Variants in GNAS observed in about 807,000 individuals in gnomAD.
The protein encoded by GNAS is protein ALEX.
In GNAS, 8 loss-of-function variants were observed where a neutral mutation model predicts 54.5. That is an observed-to-expected ratio of 0.15 (90% CI 0.09 to 0.26). GNAS has a LOEUF of 0.26. Ranked by LOEUF, GNAS falls within the 10% of genes least tolerant of loss-of-function variation. The probability of loss-of-function intolerance (pLI) is 1.00; values close to 1 mark genes in which losing one functional copy is unlikely to be tolerated. For missense variants in GNAS, 170 were observed against 529.8 expected (o/e 0.32, Z 6.67); for synonymous variants, 204 against 191.4 (o/e 1.07, Z -0.54).
upstream of GNAS, among the ~76,000 whole-genome samples, chr20:58,887,513 C>T (rs573042587): frequency 8.5e-5 from 13 of 152,358 alleles, no homozygotes; most frequent in African/African-American, 3.1e-4. Context: ...TGAGGCCTTA[C>T]TGCTGAGTTC....
chr20:58,902,725 C>CTTT (rs60022134), intron 3 of GNAS, among the ~76,000 whole-genome samples: 1,266 of 69,448 alleles, frequency 0.018, 215 homozygotes, highest in Non-Finnish European at 0.024. Context: ...GCACATACGA[C>CTTT]TTTTTTTTTT....
chr20:58,874,653 G>C (rs2087680957), intron 1 of GNAS, among the ~76,000 whole-genome samples: 1 of 151,522 alleles, frequency 6.6e-6, no homozygotes, highest in Admixed American at 6.6e-5. Flanking sequence ...CTTAGCTCCT[G>C]GCCTGCCCTC....
At chr20:58,854,522 T>C in intron 1 of GNAS, 1 of 1,577,860 alleles carries the variant, frequency 6.3e-7, no homozygotes, top group Admixed American at 1.7e-5. Context: ...CACCAGCCGA[T>C]CCTGACTCCG....
chr20:58,899,671 ACATGCACATG>A (rs2090422395), intron 3 of GNAS, among the ~76,000 whole-genome samples: 1 of 151,570 alleles, frequency 6.6e-6, no homozygotes, highest in Non-Finnish European at 1.5e-5. Flanking sequence ...ACACGCACAC[ACATGCACATG>A]CATACACAGA....
chr20:58,855,048 C>A (rs1195270483), intron 1 of GNAS: 1 of 1,613,016 alleles, frequency 6.2e-7, no homozygotes, highest in South Asian at 1.1e-5. Flanking sequence ...GTTTCAGCAT[C>A]GGCGAAATCG....
intron 1 of GNAS, among the ~76,000 whole-genome samples, chr20:58,886,213 G>A (rs1414544715): frequency 2.6e-5 from 4 of 152,180 alleles, no homozygotes; most frequent in African/African-American, 7.2e-5. Context: ...GTGGGACGTT[G>A]TTCATTGTTG....
intron 6 of GNAS, among the ~76,000 whole-genome samples, chr20:58,907,501 AAG>A (rs1173091037): frequency 1.3e-5 from 2 of 152,224 alleles, no homozygotes; most frequent in Admixed American, 1.3e-4. Flanking sequence ...GTACAAGATT[AAG>A]AGAGTTTAAC....
At chr20:58,840,572 G>C (rs776413759), upstream of GNAS, 1 of 1,612,608 alleles carries the variant, frequency 6.2e-7, no homozygotes, top group Non-Finnish European at 8.5e-7. The surrounding 1 kb of genome is among the most constrained non-coding windows in gnomAD (Gnocchi z 6.0). Flanking sequence ...CTCCACCTTC[G>C]GCCAGTCCCT....
chr20:58,896,057 C>T (rs914480094), intron 2 of GNAS, among the ~76,000 whole-genome samples: 1 of 152,184 alleles, frequency 6.6e-6, no homozygotes, highest in Non-Finnish European at 1.5e-5. Context: ...GCTTTGGCCG[C>T]CCCCTCGTCC....
chr20:58,903,650 C>A (rs201998605), intron 4 of GNAS, 22 bp from the exon 5 acceptor site: 3 of 1,613,980 alleles, frequency 1.9e-6, no homozygotes, highest in African/African-American at 2.7e-5. Context: ...GTTCCCTGAC[C>A]GCTTTGCTAA....
chr20:58,900,029 C>T (rs1436608312), intron 3 of GNAS: 6 of 702,032 alleles, frequency 8.5e-6, no homozygotes, highest in South Asian at 1.5e-5. Flanking sequence ...TGGAATTGCT[C>T]GGTCTTAGGA....
At chr20:58,855,280 A>G (rs1397213483) in intron 1 of GNAS, 1 of 1,585,846 alleles carries the variant, frequency 6.3e-7, no homozygotes, top group East Asian at 2.3e-5. Flanking sequence ...ATCGACAAAC[A>G]ACTCCAGGAC....
chr20:58,891,951 C>G, intron 1 of GNAS, 86 bp downstream of exon 1: 2 of 844,804 alleles, frequency 2.4e-6, no homozygotes, highest in Non-Finnish European at 2.8e-6. Flanking sequence ...CCGCCCCCCG[C>G]CCCGGGCGCG....
intron 4 of GNAS, 31 bp downstream of exon 4, chr20:58,903,616 T>G (rs752128903): frequency 6.8e-6 from 11 of 1,614,114 alleles, no homozygotes; most frequent in Non-Finnish European, 9.3e-6. Flanking sequence ...CTGTCTGTCT[T>G]GTAGCGCCCT....
chr20:58,840,567 C>T (rs367773142), upstream of GNAS: 1 of 1,612,814 alleles, frequency 6.2e-7, no homozygotes, highest in African/African-American at 1.3e-5. This position sits in a 1 kb window ranked among gnomAD's most constrained non-coding sequence, Gnocchi z 6.0. Context: ...AAGCACTCCA[C>T]CTTCGGCCAG....
chr20:58,903,292 C>G, intron 3 of GNAS: 1 of 615,634 alleles, frequency 1.6e-6, no homozygotes, highest in Non-Finnish European at 2.9e-6. Flanking sequence ...CTGGTACAGT[C>G]ATGATTGCTA....
chr20:58,866,685 C>T (rs1035403718), intron 1 of GNAS, among the ~76,000 whole-genome samples: 2 of 151,890 alleles, frequency 1.3e-5, no homozygotes, highest in Non-Finnish European at 2.9e-5. Flanking sequence ...CATCTGAATT[C>T]ATCTCATCAA....
intron 1 of GNAS, among the ~76,000 whole-genome samples, chr20:58,874,347 C>T (rs1464158658): frequency 2.6e-5 from 4 of 152,364 alleles, no homozygotes; most frequent in Non-Finnish European, 5.9e-5. Flanking sequence ...TGGAGCCAAA[C>T]TATGCCTTCC....
At chr20:58,902,790 G>C (rs2090748128) in intron 3 of GNAS, among the ~76,000 whole-genome samples, 1 of 135,834 alleles carries the variant, frequency 7.4e-6, no homozygotes, top group African/African-American at 2.8e-5. Context: ...GGAGTGCAGT[G>C]GTGCCATCTC....
Sources: gnomAD v4.1 joint callset for allele counts (sites outside exome capture counted in the v4.1 genomes callset) on GRCh38, gnomAD v4.1.1 for gene constraint, Gnocchi (gnomAD v3.1) non-coding constraint, MANE v1.5 for transcripts, NCBI Gene and HGNC (gene_info 2026-07-23, HGNC 2026-07-21) for gene names.